SNTG1: variants seen among roughly 807,000 people sequenced by gnomAD.
SNTG1 encodes the protein syntrophin gamma 1.
Under a neutral mutation model 74.7 loss-of-function variants are expected in SNTG1, and 39 were observed. The observed-to-expected ratio is 0.52, with a 90% confidence interval of 0.40 to 0.68. The LOEUF (loss-of-function observed/expected upper bound fraction) is 0.68. Among genes scored for constraint, SNTG1 ranks in the 30% least tolerant of loss-of-function variants. SNTG1 has a pLI of 0.00. For missense variants in SNTG1, 685 were observed against 609.5 expected (o/e 1.12, Z -1.30); for synonymous variants, 254 against 217.1 (o/e 1.17, Z -1.49).
chr8:50,159,470 CATT>C (rs2082349702), intron 1 of SNTG1, among the ~76,000 whole-genome samples: 1 of 152,146 alleles, frequency 6.6e-6, no homozygotes, highest in Non-Finnish European at 1.5e-5. Context: ...ACTTCCAAAA[CATT>C]GTTGTGTCCT....
chr8:50,334,645 A>T (rs2091080804), intron 2 of SNTG1, among the ~76,000 whole-genome samples: 1 of 152,192 alleles, frequency 6.6e-6, no homozygotes, highest in African/African-American at 2.4e-5. Context: ...AAACAGCAAC[A>T]TAGTGTCAAA....
intron 18 of SNTG1, among the ~76,000 whole-genome samples, chr8:50,766,059 G>A (rs752845754): frequency 1.4e-4 from 22 of 151,948 alleles, no homozygotes; most frequent in Non-Finnish European, 2.5e-4. Context: ...ATGAGTTGCA[G>A]TGGATTCTAT....
chr8:50,248,666 C>A (rs2086506745), intron 2 of SNTG1, among the ~76,000 whole-genome samples: 1 of 151,992 alleles, frequency 6.6e-6, no homozygotes, highest in African/African-American at 2.4e-5. Flanking sequence ...TATCCAGAGA[C>A]CACCACAAAA....
chr8:50,784,549 G>T (rs1383666522), intron 18 of SNTG1, among the ~76,000 whole-genome samples: 3 of 152,038 alleles, frequency 2.0e-5, no homozygotes, highest in Non-Finnish European at 4.4e-5. Context: ...AACAAATGAG[G>T]CGAAATCGAA....
At chr8:49,993,154 G>C (rs560137999) in intron 1 of SNTG1, among the ~76,000 whole-genome samples, 2 of 152,074 alleles carry the variant, frequency 1.3e-5, no homozygotes, top group Non-Finnish European at 2.9e-5. Context: ...CAAAAGGTGG[G>C]AATAAGACTT....
intron 1 of SNTG1, among the ~76,000 whole-genome samples, chr8:50,002,283 T>G (rs574459507): frequency 6.6e-6 from 1 of 152,308 alleles, no homozygotes; most frequent in Admixed American, 6.5e-5. Context: ...CATAGTCCAC[T>G]GTATTTTTTT....
chr8:50,785,707 A>G (rs1184501261), intron 18 of SNTG1, among the ~76,000 whole-genome samples: 3 of 152,090 alleles, frequency 2.0e-5, no homozygotes, highest in South Asian at 4.1e-4. Flanking sequence ...CAAAACCATC[A>G]GATGAAAAGA....
In SNTG1 at chr8:49,954,975, G is replaced by A. The variant is rs148369664; in HGVS notation, c.-103+42744G>A. ...TCTATTTAATTGGTCTGTTATCAAT[G>A]ACTCAAAAAATGTGATCAAATCTGA... On this transcript the variant is annotated intron_variant, in intron 1 of 18. Coordinates refer to ENST00000642720, the MANE Select transcript of SNTG1 (RefSeq NM_018967.5). 3.2e-3 allele frequency among the ~76,000 whole-genome samples: 486 copies of A among 152,240 alleles called. 1 individual carries two copies. The highest frequency in any genetic ancestry group is 0.016 in the South Asian group (79 of 4,818).
chr8:50,454,224 C>T (rs567528753), intron 8 of SNTG1, among the ~76,000 whole-genome samples: 50 of 152,186 alleles, frequency 3.3e-4, no homozygotes, highest in Middle Eastern at 3.4e-3. Flanking sequence ...GGGCCAGGTG[C>T]GGTGGCTCAT....
At chr8:49,918,121 A>T (rs1480905932) in intron 1 of SNTG1, among the ~76,000 whole-genome samples, 1 of 152,148 alleles carries the variant, frequency 6.6e-6, no homozygotes, top group Non-Finnish European at 1.5e-5. Flanking sequence ...TTTATCTAGA[A>T]ATGAGACAAT....
At chr8:50,115,246 A>C (rs143070424) in intron 1 of SNTG1, among the ~76,000 whole-genome samples, 1 of 152,060 alleles carries the variant, frequency 6.6e-6, no homozygotes, top group East Asian at 2.0e-4. Flanking sequence ...TCTACTAAGG[A>C]TGTGGTTTTA....
chr8:50,235,296 C>A (rs113288745), intron 2 of SNTG1, among the ~76,000 whole-genome samples: 1 of 152,180 alleles, frequency 6.6e-6, no homozygotes, highest in African/African-American at 2.4e-5. Flanking sequence ...CTTGTGACAA[C>A]AGGGATGAAT....
At chr8:50,105,492 T>A (rs2080332373) in intron 1 of SNTG1, among the ~76,000 whole-genome samples, 1 of 151,778 alleles carries the variant, frequency 6.6e-6, no homozygotes, top group African/African-American at 2.4e-5. Flanking sequence ...TTGTTTTGTT[T>A]TGTTTTTTTT....
chr8:50,503,607 G>T (rs1563487715), intron 9 of SNTG1, among the ~76,000 whole-genome samples: 1 of 152,102 alleles, frequency 6.6e-6, no homozygotes, highest in Non-Finnish European at 1.5e-5. Flanking sequence ...GAACTTTACA[G>T]AATGGAATTA....
intron 18 of SNTG1, among the ~76,000 whole-genome samples, chr8:50,775,478 G>A (rs1274957929): frequency 2.6e-5 from 4 of 151,250 alleles, no homozygotes; most frequent in African/African-American, 9.7e-5. Flanking sequence ...TTCTTCTCTG[G>A]TCAGAAAACA....
chr8:50,174,953 C>A (rs979723922), intron 2 of SNTG1, among the ~76,000 whole-genome samples: 3 of 147,460 alleles, frequency 2.0e-5, no homozygotes, highest in Non-Finnish European at 4.4e-5. Context: ...TGAGTGAGAA[C>A]ATGCGGTGTT....
chr8:50,031,772 A>T (rs1817755803), intron 1 of SNTG1, among the ~76,000 whole-genome samples: 1 of 152,036 alleles, frequency 6.6e-6, no homozygotes, highest in Admixed American at 6.5e-5. Flanking sequence ...TATGAATAAT[A>T]TTGTCCGAAG....
chr8:50,501,196 G>A (rs988927895), intron 8 of SNTG1, among the ~76,000 whole-genome samples: 12 of 151,970 alleles, frequency 7.9e-5, no homozygotes, highest in South Asian at 2.1e-4. Context: ...TATATAGCGT[G>A]CTTTCTGTTT....
In SNTG1 at chr8:49,945,597, C is replaced by T. The variant is rs533072695; in HGVS notation, c.-103+33366C>T. Among the ~76,000 whole-genome samples, 19 of 152,296 alleles carry T rather than the reference C, an allele frequency of 1.2e-4. 2 individuals carry two copies. The highest frequency in any genetic ancestry group is 4.3e-4 in the African/African-American group (18 of 41,584). Reference sequence around the variant, plus strand: ...ATGACCCGTGTTCAGCTGATCTATGCAGGACTCAGTCTTCCTGCAGATTCG... The same window carrying T: ...ATGACCCGTGTTCAGCTGATCTATGTAGGACTCAGTCTTCCTGCAGATTCG... On this transcript the variant is annotated intron_variant, in intron 1 of 18. Transcript: ENST00000642720.
Sources: allele counts gnomAD v4.1 joint callset (sites outside exome capture counted in the v4.1 genomes callset), GRCh38; gene constraint gnomAD v4.1.1; transcripts MANE v1.5; gene names NCBI Gene and HGNC (gene_info 2026-07-23, HGNC 2026-07-21).